ROCK2: variants seen among roughly 807,000 people sequenced by gnomAD.
The protein encoded by ROCK2 is rho-associated protein kinase 2.
Under a neutral mutation model 195.1 loss-of-function variants are expected in ROCK2, and 61 were observed. The ratio of observed to expected loss-of-function variants is 0.31; its 90% CI spans 0.25 to 0.39. The LOEUF is 0.39. Ranked by LOEUF, ROCK2 falls within the 10% of genes least tolerant of loss-of-function variation. The pLI is 1.00. For synonymous variants in ROCK2, 504 were observed against 545.5 expected (o/e 0.92, Z 1.06); for missense variants, 1,109 against 1,637.4 (o/e 0.68, Z 5.57).
chr2:11,227,499 A>G (rs551590636), intron 5 of ROCK2, 101 bp from the exon 6 acceptor site: 1 of 1,087,752 alleles, frequency 9.2e-7, no homozygotes, highest in Admixed American at 2.4e-5. Context: ...ATGATTACAT[A>G]TTGCTAACCA....
chr2:11,218,340 C>A, intron 11 of ROCK2, 115 bp downstream of exon 11: 1 of 618,100 alleles, frequency 1.6e-6, no homozygotes, highest in Non-Finnish European at 2.7e-6. Context: ...TTGGGAACTT[C>A]TCTCTTGGGT....
chr2:11,322,250 C>A (rs985052647), intron 1 of ROCK2, among the ~76,000 whole-genome samples: 1 of 151,980 alleles, frequency 6.6e-6, no homozygotes, highest in Non-Finnish European at 1.5e-5. Flanking sequence ...TTTCAAAAAT[C>A]GAGGTGTTAA....
At chr2:11,211,060 A>G (rs1002035342) in intron 18 of ROCK2, among the ~76,000 whole-genome samples, 1 of 152,204 alleles carries the variant, frequency 6.6e-6, no homozygotes, top group African/African-American at 2.4e-5. Context: ...GTCATTATAA[A>G]CAGTCAGTTT....
intron 1 of ROCK2, among the ~76,000 whole-genome samples, chr2:11,341,620 T>G (rs1342787893): frequency 1.3e-5 from 2 of 152,150 alleles, no homozygotes; most frequent in Non-Finnish European, 2.9e-5. Context: ...TGGTACTTTC[T>G]GAGCTCCTGA....
intron 1 of ROCK2, among the ~76,000 whole-genome samples, chr2:11,321,486 A>G (rs11681822): frequency 0.78 from 117,197 of 150,948 alleles, 47,659 homozygotes; most frequent in East Asian, 0.94. Context: ...TTGGGAGGCC[A>G]AGGCAGGTGG....
chr2:11,216,049 TA>T (rs1381382793), intron 13 of ROCK2, 108 bp downstream of exon 13: 5 of 817,050 alleles, frequency 6.1e-6, no homozygotes, highest in Non-Finnish European at 1.1e-5. Flanking sequence ...TACTACAAGG[TA>T]GGTTTCAAGG....
At chr2:11,280,124 A>T (rs1057211929) in intron 3 of ROCK2, among the ~76,000 whole-genome samples, 4 of 152,154 alleles carry the variant, frequency 2.6e-5, no homozygotes, top group African/African-American at 9.7e-5. Context: ...AGTAGGCAAA[A>T]GAAAATAAAT....
At chr2:11,314,207 C>G (rs1001899427) in intron 1 of ROCK2, among the ~76,000 whole-genome samples, 1 of 151,892 alleles carries the variant, frequency 6.6e-6, no homozygotes, top group East Asian at 1.9e-4. Flanking sequence ...TTGTATTTCA[C>G]AGTAATAGTA....
At chr2:11,209,282 G>A (rs1313064735) in intron 18 of ROCK2, among the ~76,000 whole-genome samples, 1 of 152,194 alleles carries the variant, frequency 6.6e-6, no homozygotes, top group Non-Finnish European at 1.5e-5. Flanking sequence ...GACTGGGCAA[G>A]TAATTCACCT....
rs1223301400 is a variant in ROCK2, at chr2:11,211,584, A to T, written c.2203+97T>A. 6 of 1,185,944 alleles carry T rather than the reference A, an allele frequency of 5.1e-6. No homozygotes were observed. In the Admixed American group the frequency reaches 1.5e-4, roughly 30 times the overall value. 73.5% of individuals were successfully genotyped at this position (1,185,944 alleles called of 1,614,324 possible). A position where few individuals can be genotyped will look rare whatever the true frequency, so the allele number is the denominator to read the frequency against. Reference sequence around the variant, plus strand: ...TCCCTCCAATTCCCAATATTTGACAATGAAATATAAAAAAAAATGTTTCAA... The same window carrying T: ...TCCCTCCAATTCCCAATATTTGACATTGAAATATAAAAAAAAATGTTTCAA... On this transcript the variant is annotated intron_variant, in intron 18 of 32. Coordinates refer to ENST00000315872, the MANE Select transcript of ROCK2 (RefSeq NM_004850.5).
At chr2:11,207,993 T>C in intron 19 of ROCK2, 83 bp from the exon 20 acceptor site, 2 of 1,081,064 alleles carry the variant, frequency 1.9e-6, no homozygotes, top group Non-Finnish European at 1.2e-6. Flanking sequence ...AATATGGTGA[T>C]GTAAAACAGA....
intron 3 of ROCK2, among the ~76,000 whole-genome samples, chr2:11,256,453 C>T (rs913349539): frequency 2.0e-5 from 3 of 151,412 alleles, no homozygotes; most frequent in African/African-American, 7.4e-5. Context: ...CCTGCCCAGC[C>T]ACGCTTCCTG....
chr2:11,322,000 CCTT>C (rs1668414665), intron 1 of ROCK2, among the ~76,000 whole-genome samples: 1 of 151,980 alleles, frequency 6.6e-6, no homozygotes, highest in African/African-American at 2.4e-5. Flanking sequence ...TGACTGGTGT[CCTT>C]CTAAGAAGAG....
At chr2:11,342,903 T>A (rs1669149455) in intron 1 of ROCK2, among the ~76,000 whole-genome samples, 1 of 152,134 alleles carries the variant, frequency 6.6e-6, no homozygotes, top group Admixed American at 6.5e-5. Context: ...GCCTGAAACC[T>A]CAAAGGATAA....
intron 4 of ROCK2, among the ~76,000 whole-genome samples, chr2:11,244,379 G>T (rs1665539701): frequency 6.6e-6 from 1 of 152,142 alleles, no homozygotes; most frequent in Non-Finnish European, 1.5e-5. Flanking sequence ...TGTTGAAGCT[G>T]GGTGAACTGT....
chr2:11,288,327 T>C (rs2148196025), intron 1 of ROCK2, among the ~76,000 whole-genome samples: 1 of 152,294 alleles, frequency 6.6e-6, no homozygotes. Flanking sequence ...ATACACATAA[T>C]GGTGGAGGTG....
chr2:11,234,368 C>T (rs562767557), intron 5 of ROCK2: 1 of 152,040 alleles, frequency 6.6e-6, no homozygotes, highest in Non-Finnish European at 1.5e-5. Context: ...ATGAAAATCG[C>T]AATACATTCA....
At chr2:11,300,474 G>T (rs1172197392) in intron 1 of ROCK2, among the ~76,000 whole-genome samples, 7 of 152,158 alleles carry the variant, frequency 4.6e-5, no homozygotes, top group Middle Eastern at 3.4e-3. Context: ...ATGTTGACTA[G>T]GCTGGTCTCG....
chr2:11,326,419 T>C (rs1668552912), intron 1 of ROCK2, among the ~76,000 whole-genome samples: 3 of 152,174 alleles, frequency 2.0e-5, no homozygotes, highest in South Asian at 2.1e-4. Flanking sequence ...CCAGATGATC[T>C]TGGAGCGAGC....
Sources: gnomAD v4.1 joint callset for allele counts (sites outside exome capture counted in the v4.1 genomes callset) on GRCh38, gnomAD v4.1.1 for gene constraint, MANE v1.5 for transcripts, NCBI Gene and HGNC (gene_info 2026-07-23, HGNC 2026-07-21) for gene names.